The following TNKS variants were observed in gnomAD, a reference collection of about 807,000 sequenced individuals.
TNKS encodes the protein tankyrase.
A neutral mutation model predicts 135.8 loss-of-function variants in TNKS; 72 were observed. That is an observed-to-expected ratio of 0.53 (90% CI 0.44 to 0.64). The LOEUF (loss-of-function observed/expected upper bound fraction) is 0.64, where lower values mean the gene tolerates loss of function less well. Among genes scored for constraint, TNKS ranks in the 30% least tolerant of loss-of-function variants. The pLI is 0.00. For missense variants in TNKS, 1,769 were observed against 1,674.0 expected (o/e 1.06, Z -0.99); for synonymous variants, 849 against 649.3 (o/e 1.31, Z -4.68).
chr8:9,692,714 C>G (rs910260981), intron 5 of TNKS, among the ~76,000 whole-genome samples: 2 of 152,136 alleles, frequency 1.3e-5, no homozygotes, highest in Admixed American at 6.5e-5. Context: ...AATAAAACAG[C>G]TTTTTTCCTT....
At chr8:9,685,525 T>C (rs958241936) in intron 5 of TNKS, among the ~76,000 whole-genome samples, 1 of 152,210 alleles carries the variant, frequency 6.6e-6, no homozygotes, top group Non-Finnish European at 1.5e-5. Flanking sequence ...TACATACTTT[T>C]AAGTACTCCA....
At chr8:9,727,688 A>T (rs1805231801) in intron 13 of TNKS, among the ~76,000 whole-genome samples, 1 of 152,204 alleles carries the variant, frequency 6.6e-6, no homozygotes, top group South Asian at 2.1e-4. Context: ...ACTTTTTGCG[A>T]TTTTTAGCAA....
chr8:9,664,340 G>C (rs561793289), intron 3 of TNKS, among the ~76,000 whole-genome samples: 12 of 152,220 alleles, frequency 7.9e-5, no homozygotes, highest in African/African-American at 2.9e-4. Context: ...AACTATTGAA[G>C]GAACTAATAG....
chr8:9,722,250 T>C (rs1046407002), intron 12 of TNKS: 4 of 152,162 alleles, frequency 2.6e-5, no homozygotes, highest in African/African-American at 9.7e-5. Context: ...GAATCACTGC[T>C]ATATGATGCA....
chr8:9,672,154 CTGTTT>C (rs1802299140), intron 3 of TNKS, among the ~76,000 whole-genome samples: 1 of 152,136 alleles, frequency 6.6e-6, no homozygotes, highest in Non-Finnish European at 1.5e-5. Context: ...TCCAATTGTT[CTGTTT>C]TATTAGAGAT....
At chr8:9,761,220 T>C (rs1055786997) in intron 20 of TNKS, among the ~76,000 whole-genome samples, 1 of 152,230 alleles carries the variant, frequency 6.6e-6, no homozygotes, top group Non-Finnish European at 1.5e-5. Context: ...CAGTAGATGA[T>C]AGAACAAAAT....
chr8:9,632,005 A>G (rs912797368), intron 3 of TNKS, among the ~76,000 whole-genome samples: 1 of 152,194 alleles, frequency 6.6e-6, no homozygotes, highest in African/African-American at 2.4e-5. Context: ...AGCTTTCAGC[A>G]GAGTATTAAT....
At position 9,709,952 on chromosome 8, in the gene TNKS, T is replaced by C. The variant is rs1382356692; in HGVS notation, c.1579-3T>C. The C allele has an allele frequency of 1.2e-6, 2 of 1,612,788 alleles. No individual in the cohort carries two copies. Among genetic ancestry groups the C allele is most frequent in the Non-Finnish European group, 1.7e-6 (2 of 1,179,446 alleles). ...TATTAACTTGGTTTTGTTTACTTTATAGCACTGTGCTGTGGCCTCTCTGCA... is the reference window on the plus strand; with the variant it reads ...TATTAACTTGGTTTTGTTTACTTTACAGCACTGTGCTGTGGCCTCTCTGCA... On this transcript the variant is annotated splice_polypyrimidine_tract_variant and splice_region_variant and intron_variant, in intron 9 of 26. Transcript: ENST00000310430.
intron 11 of TNKS, among the ~76,000 whole-genome samples, chr8:9,718,261 C>T (rs1305953424): frequency 6.6e-6 from 1 of 152,238 alleles, no homozygotes; most frequent in South Asian, 2.1e-4. Context: ...TTTCAACTCT[C>T]GGCTTACTTG....
At chr8:9,720,085 T>A (rs544231556) in intron 11 of TNKS, among the ~76,000 whole-genome samples, 2 of 152,278 alleles carry the variant, frequency 1.3e-5, no homozygotes, top group Non-Finnish European at 2.9e-5. Context: ...GCTGCCTCCA[T>A]AGACCAGTCT....
chr8:9,774,700 T>C (rs1419177486), intron 26 of TNKS, among the ~76,000 whole-genome samples: 2 of 152,108 alleles, frequency 1.3e-5, no homozygotes, highest in African/African-American at 2.4e-5. Flanking sequence ...ACCGGGAGCA[T>C]TTAGATAAGG....
In TNKS at chr8:9,555,967, C is replaced by G. The variant is rs552818936; in HGVS notation, c.28C>G (p.His10Asp). 1 of 1,613,346 alleles carries G rather than the reference C, an allele frequency of 6.2e-7. No homozygotes were observed. The highest frequency in any genetic ancestry group is 2.2e-5 in the East Asian group (1 of 44,860). Residue 10 changes from histidine to aspartate, a missense_variant, in exon 1 of 27, where the codon CAT (histidine) becomes GAT (aspartate). This residue lies in a region of TNKS where 450 missense variants were observed against 304.9 expected (regional missense o/e 1.48). Coordinates refer to ENST00000310430, the MANE Select transcript of TNKS (RefSeq NM_003747.3). MAASRRSQH[H>D]HHHHQQQLQP... The stretch of plus-strand genomic sequence containing the variant: ...GGCGGCGTCGCGTCGCTCTCAGCAT[C>G]ATCACCACCATCATCAACAACAGCT...
At chr8:9,756,452 T>G (rs1319010962) in intron 20 of TNKS, among the ~76,000 whole-genome samples, 1 of 151,936 alleles carries the variant, frequency 6.6e-6, no homozygotes, top group East Asian at 1.9e-4. Context: ...GTAATTTTAT[T>G]TTAATGTATA....
rs80194544 is a variant in TNKS, at chr8:9,608,712, G to T, written c.899-6870G>T. Among the ~76,000 whole-genome samples, 1,451 of 152,268 alleles carry T rather than the reference G, an allele frequency of 9.5e-3. 144 individuals carry two copies. In the East Asian group the frequency reaches 0.23, roughly 24 times the overall value. Reference sequence around the variant, plus strand: ...CCTGCAGACTCCAGCCAATTCTTCTGCCTTGAGTTTGGATTTCTGTCTTCT... The same window carrying T: ...CCTGCAGACTCCAGCCAATTCTTCTTCCTTGAGTTTGGATTTCTGTCTTCT... On this transcript the variant is annotated intron_variant, in intron 2 of 26. Transcript: ENST00000310430.
intron 2 of TNKS, among the ~76,000 whole-genome samples, chr8:9,610,062 T>C (rs1563114851): frequency 6.6e-6 from 1 of 152,138 alleles, no homozygotes; most frequent in Non-Finnish European, 1.5e-5. Flanking sequence ...TTTCACCTTG[T>C]TAGCCAGGGT....
At chr8:9,770,323 C>T in intron 26 of TNKS, 61 bp downstream of exon 26, 4 of 1,508,234 alleles carry the variant, frequency 2.7e-6, no homozygotes, top group Non-Finnish European at 2.7e-6. Context: ...AGCACAGAGA[C>T]CGTGTAAGAC....
At chr8:9,659,153 A>C (rs567393905) in intron 3 of TNKS, among the ~76,000 whole-genome samples, 5 of 152,334 alleles carry the variant, frequency 3.3e-5, no homozygotes, top group Admixed American at 2.6e-4. Flanking sequence ...TTAACACCCC[A>C]CTGTCAACAT....
chr8:9,599,942 T>A (rs1167559349), intron 2 of TNKS, among the ~76,000 whole-genome samples: 1 of 152,230 alleles, frequency 6.6e-6, no homozygotes, highest in Non-Finnish European at 1.5e-5. Flanking sequence ...TTAAGTCATA[T>A]ATAGAAGACC....
intron 20 of TNKS, among the ~76,000 whole-genome samples, chr8:9,757,639 G>T (rs974972950): frequency 6.6e-6 from 1 of 152,068 alleles, no homozygotes; most frequent in Non-Finnish European, 1.5e-5. Context: ...TTCTCTTAGG[G>T]ATTGTCCAAG....
Sources: gnomAD v4.1 joint callset for allele counts (sites outside exome capture counted in the v4.1 genomes callset) on GRCh38, gnomAD v4.1.1 for gene constraint, gnomAD v4.1.1 regional missense constraint, MANE v1.5 for transcripts, NCBI Gene and HGNC (gene_info 2026-07-23, HGNC 2026-07-21) for gene names.